The following RAPGEF1 variants were observed in gnomAD, a reference collection of about 807,000 sequenced individuals.
RAPGEF1 encodes Rap guanine nucleotide exchange factor 1, also known as CRK SH3-binding GNRP.
RAPGEF1 carries 33 observed loss-of-function variants against 143.3 expected under a neutral mutation model. That is an observed-to-expected ratio of 0.23 (90% CI 0.17 to 0.31). The LOEUF (loss-of-function observed/expected upper bound fraction) is 0.31. RAPGEF1 is among the 10% of genes least tolerant of loss of function. RAPGEF1 has a pLI of 1.00. For synonymous variants in RAPGEF1, 629 were observed against 676.5 expected (o/e 0.93, Z 1.09); for missense variants, 1,199 against 1,645.4 (o/e 0.73, Z 4.69).
chr9:131,582,262 G>A (rs558137581), intron 25 of RAPGEF1, among the ~76,000 whole-genome samples: 43 of 152,210 alleles, frequency 2.8e-4, no homozygotes, highest in Non-Finnish European at 4.3e-4. Context: ...GGGGAGAGGA[G>A]CCATACATCT....
At chr9:131,589,079 G>T in intron 19 of RAPGEF1, 93 bp from the exon 20 acceptor site, 2 of 1,251,978 alleles carry the variant, frequency 1.6e-6, no homozygotes, top group Non-Finnish European at 2.2e-6. Flanking sequence ...GCACGGGGCT[G>T]TGACCGGCAC....
At chr9:131,636,806 G>A (rs1439595781) in intron 5 of RAPGEF1, among the ~76,000 whole-genome samples, 1 of 152,162 alleles carries the variant, frequency 6.6e-6, no homozygotes, top group Non-Finnish European at 1.5e-5. Flanking sequence ...GACCAGATAT[G>A]ATAATGTACG....
intron 19 of RAPGEF1, 100 bp from the exon 20 acceptor site, chr9:131,589,086 G>C: frequency 8.7e-7 from 1 of 1,150,672 alleles, no homozygotes; most frequent in Non-Finnish European, 1.2e-6. Flanking sequence ...GCTGTGACCG[G>C]CACAGAGCTG....
At chr9:131,597,268 T>A (rs1955464114) in intron 16 of RAPGEF1, among the ~76,000 whole-genome samples, 1 of 152,176 alleles carries the variant, frequency 6.6e-6, no homozygotes, top group South Asian at 2.1e-4. Context: ...TTGTCTTGGG[T>A]TTACCTCTAG....
At position 131,674,840 on chromosome 9, in the gene RAPGEF1, G is replaced by A. The variant is rs551575138; in HGVS notation, c.62-23891C>T. Among the ~76,000 whole-genome samples the A allele has an allele frequency of 3.4e-4, 52 of 152,262 alleles. 1 individual carries two copies. Among genetic ancestry groups the A allele is most frequent in the Middle Eastern group, 6.8e-3 (2 of 294 alleles). On this transcript the variant is annotated intron_variant, in intron 1 of 26. Transcript: ENST00000683357. ...AGAAACCCTGTGGAGGCGCGGGGAG[G>A]GCAGACCTGAAGCATCGCTACCGAG...
rs145377422 is a variant in RAPGEF1 at position 131,715,074 on chromosome 9, C to G, written c.61+24696G>C. On this transcript the variant is annotated intron_variant, in intron 1 of 26. Transcript: ENST00000683357. ...GGAAATCATCGAAGGCAAAGGCCAC[C>G]ACGTGTCGAATGTCATAGGAAATAC... is the stretch of plus-strand genomic sequence containing the variant. Among the ~76,000 whole-genome samples the G allele has an allele frequency of 4.6e-5, 7 of 152,138 alleles. No homozygotes were observed. In the East Asian group the frequency reaches 5.8e-4, roughly 13 times the overall value.
At chr9:131,657,895 G>C (rs1378364177) in intron 1 of RAPGEF1, among the ~76,000 whole-genome samples, 1 of 152,234 alleles carries the variant, frequency 6.6e-6, no homozygotes, top group Admixed American at 6.5e-5. Context: ...CGTTACCTAA[G>C]TGATGGCATA....
chr9:131,722,045 G>A (rs1007625466), intron 1 of RAPGEF1, among the ~76,000 whole-genome samples: 36 of 152,110 alleles, frequency 2.4e-4, no homozygotes, highest in African/African-American at 8.0e-4. Context: ...TTTCTCCTTT[G>A]TTTCCTGAGA....
At chr9:131,612,538 C>A (rs528265850) in intron 12 of RAPGEF1, among the ~76,000 whole-genome samples, 23 of 152,320 alleles carry the variant, frequency 1.5e-4, no homozygotes, top group South Asian at 1.5e-3. Context: ...TCCCTACTGC[C>A]CACAGTAAGG....
At chr9:131,711,226 T>A (rs1470053845) in intron 1 of RAPGEF1, among the ~76,000 whole-genome samples, 1 of 151,822 alleles carries the variant, frequency 6.6e-6, no homozygotes, top group Non-Finnish European at 1.5e-5. Flanking sequence ...AATTTTTAAA[T>A]TTTTTTGTAG....
chr9:131,730,650 A>C, intron 1 of RAPGEF1, among the ~76,000 whole-genome samples: 1 of 139,576 alleles, frequency 7.2e-6, no homozygotes, highest in Non-Finnish European at 1.5e-5. Context: ...AGCCGAGATC[A>C]CCCCATTGCA....
Position 131,650,144 on chromosome 9 carries a change from C to T in RAPGEF1, c.300G>A (p.Arg100=), listed in dbSNP as rs1725565294. ...EFMSTSAVAS[R]SQRQKNLSWL... Reference sequence around the variant, plus strand: ...TTACACTGACCTTCTGCCTTTGAGACCTGGAAGCCACAGCACTGGTGGACA... The same window carrying T: ...TTACACTGACCTTCTGCCTTTGAGATCTGGAAGCCACAGCACTGGTGGACA... Residue 100 remains arginine (R), a synonymous_variant, in exon 3 of 27, where the codon AGG becomes AGA. Transcript: ENST00000683357. The surrounding 1 kb of genome is among the most constrained non-coding windows in gnomAD (Gnocchi z 4.7). 6.2e-7 allele frequency: 1 copy of T among 1,613,012 alleles called. No homozygotes were observed. The highest frequency in any genetic ancestry group is 1.7e-5 in the Admixed American group (1 of 59,968).
Position 131,628,406 on chromosome 9 carries a change from GGATGGGTACAAGGTCTCGCACTCCTC to G in RAPGEF1, c.1017+117_1017+142del. 8.5e-7 allele frequency: 1 copy of G among 1,171,300 alleles called. No homozygotes were observed. The highest frequency in any genetic ancestry group is 1.2e-6 in the Non-Finnish European group (1 of 849,630). The allele number at this position is 1,171,300 out of a possible 1,614,324, so 72.6% of individuals were successfully genotyped here. The stretch of plus-strand genomic sequence containing the variant: ...CTTGGACCGTGTCCTGGAGAGAGAG[GGATGGGTACAAGGTCTCGCACTCCTC>G]GATGTGACAAACACCAGCGCCTGAA... On this transcript the variant is annotated intron_variant, in intron 8 of 26. Coordinates refer to ENST00000683357, the MANE Select transcript of RAPGEF1 (RefSeq NM_001377935.1). This position sits in a 1 kb window ranked among gnomAD's most constrained non-coding sequence, Gnocchi z 5.7.
rs764877660 is a variant in RAPGEF1, at chr9:131,675,374, G to A, written c.62-24425C>T. On this transcript the variant is annotated intron_variant, in intron 1 of 26. Transcript: ENST00000683357. This position sits in a 1 kb window ranked among gnomAD's most constrained non-coding sequence, Gnocchi z 4.6. ...AGGGCTCTGCGGGAGCAGGGAGCCC[G>A]GCAGCTTCCTGCGGGTGCCGGGACG... 6.6e-6 allele frequency among the ~76,000 whole-genome samples: 1 copy of A among 152,206 alleles called. No individual in the cohort carries two copies. The highest frequency in any genetic ancestry group is 1.5e-5 in the Non-Finnish European group (1 of 68,028).
intron 10 of RAPGEF1, among the ~76,000 whole-genome samples, chr9:131,624,087 G>A (rs1962174530): frequency 6.6e-6 from 1 of 152,098 alleles, no homozygotes; most frequent in Admixed American, 6.5e-5. Context: ...AGGAAGGAGG[G>A]CTGAATCTCT....
chr9:131,625,829 A>G, intron 10 of RAPGEF1, 93 bp downstream of exon 10: 1 of 1,453,246 alleles, frequency 6.9e-7, no homozygotes, highest in Non-Finnish European at 9.3e-7. Context: ...TAATGAGGCC[A>G]CTGATTTGAT....
chr9:131,670,051 G>A (rs1329520381), intron 1 of RAPGEF1, among the ~76,000 whole-genome samples: 1 of 152,166 alleles, frequency 6.6e-6, no homozygotes, highest in Admixed American at 6.5e-5. Context: ...GCCTCGAAGT[G>A]ACCCTCCAAT....
At chr9:131,672,331 T>G (rs12551879) in intron 1 of RAPGEF1, among the ~76,000 whole-genome samples, 13,775 of 152,326 alleles carry the variant, frequency 0.09, 769 homozygotes, top group East Asian at 0.26. Flanking sequence ...GCTATTTCAC[T>G]GAATCAATTT....
At chr9:131,592,727 C>T (rs561639979) in intron 17 of RAPGEF1, among the ~76,000 whole-genome samples, 3 of 152,098 alleles carry the variant, frequency 2.0e-5, no homozygotes, top group Non-Finnish European at 4.4e-5. Context: ...AAACCCTAGG[C>T]TTTACTTTTA....
Sources: allele counts gnomAD v4.1 joint callset (sites outside exome capture counted in the v4.1 genomes callset), GRCh38; gene constraint gnomAD v4.1.1; non-coding constraint Gnocchi (gnomAD v3.1); transcripts MANE v1.5; gene names NCBI Gene and HGNC (gene_info 2026-07-23, HGNC 2026-07-21).